Variants in CFAP46 observed in about 807,000 individuals in gnomAD.
CFAP46 encodes the protein cilia and flagella associated protein 46.
CFAP46 carries 245 observed loss-of-function variants against 325.7 expected under a neutral mutation model. The ratio of observed to expected loss-of-function variants is 0.75; its 90% CI spans 0.68 to 0.84. The LOEUF is 0.84. Ranked by LOEUF, CFAP46 falls within the 40% of genes least tolerant of loss-of-function variation. The pLI, the probability that CFAP46 is intolerant of heterozygous loss-of-function variation, is 0.00. For missense variants in CFAP46, 3,346 were observed against 3,543.0 expected (o/e 0.94, Z 1.41); for synonymous variants, 1,523 against 1,495.9 (o/e 1.02, Z -0.42).
chr10:132,851,921 G>A (rs917167629), intron 39 of CFAP46, among the ~76,000 whole-genome samples: 2 of 144,596 alleles, frequency 1.4e-5, no homozygotes, highest in East Asian at 2.0e-4. Context: ...ATTTACTTAG[G>A]AATTCTCAGA....
At chr10:132,816,775 A>G (rs1483076059) in intron 50 of CFAP46, among the ~76,000 whole-genome samples, 1 of 152,094 alleles carries the variant, frequency 6.6e-6, no homozygotes, top group Non-Finnish European at 1.5e-5. Flanking sequence ...TGATCATTTC[A>G]TGTCTTCTGA....
chr10:132,937,752 A>G (rs552553037), intron 5 of CFAP46, 77 bp from the exon 6 acceptor site: 3 of 1,504,454 alleles, frequency 2.0e-6, no homozygotes, highest in Admixed American at 4.7e-5. Context: ...TTATTAAACC[A>G]TTACATATTT....
At chr10:132,809,255 GAC>G (rs1455593378) in intron 57 of CFAP46, among the ~76,000 whole-genome samples, 6 of 152,328 alleles carry the variant, frequency 3.9e-5, no homozygotes, top group African/African-American at 1.4e-4. Flanking sequence ...TTTGAACAGT[GAC>G]AGTCACTGGG....
chr10:132,828,176 A>G lies in CFAP46; in HGVS notation c.7117+5182T>C, dbSNP rs1848090825. ...AGATAACGCTGCTGTAAACATGTGTATGAGTTTCTGCGGGACGCGTGTCTC... is the reference window on the plus strand; with the variant it reads ...AGATAACGCTGCTGTAAACATGTGTGTGAGTTTCTGCGGGACGCGTGTCTC... On this transcript the variant is annotated intron_variant, in intron 50 of 57. Transcript: ENST00000368586. The surrounding 1 kb of genome is among the most constrained non-coding windows in gnomAD (Gnocchi z 4.9). 6.6e-6 allele frequency among the ~76,000 whole-genome samples: 1 copy of G among 152,232 alleles called. No individual in the cohort carries two copies. Among genetic ancestry groups the G allele is most frequent in the Non-Finnish European group, 1.5e-5 (1 of 68,042 alleles).
rs568383038 is a variant in CFAP46 at position 132,814,133 on chromosome 10, T to C, written c.7388+19A>G. 7 of 1,606,750 alleles carry C rather than the reference T, an allele frequency of 4.4e-6. No individual in the cohort carries two copies. The South Asian group carries it at 6.6e-5, about 15-fold the overall frequency. ...GACCTGCCACACTGCAAACGGCTCC[T>C]GGGAGCCCAGATCCGAACCTGGGAA... On this transcript the variant is annotated intron_variant, in intron 54 of 57. Transcript: ENST00000368586.
chr10:132,902,491 AT>A (rs1849404880), intron 22 of CFAP46, among the ~76,000 whole-genome samples: 1 of 152,142 alleles, frequency 6.6e-6, no homozygotes. Flanking sequence ...CAGTGATTTT[AT>A]TATCGGTTCC....
intron 35 of CFAP46, among the ~76,000 whole-genome samples, chr10:132,865,663 C>T (rs1848802553): frequency 6.6e-6 from 1 of 152,224 alleles, no homozygotes; most frequent in Non-Finnish European, 1.5e-5. Flanking sequence ...CAAAGTGGCG[C>T]TCCTGGCAGA....
intron 39 of CFAP46, among the ~76,000 whole-genome samples, chr10:132,851,898 G>A (rs111490853): frequency 4.7e-5 from 7 of 148,146 alleles, no homozygotes; most frequent in Admixed American, 2.0e-4. Context: ...CCACAGACGT[G>A]GTATGTTCCT....
chr10:132,815,876 G>A (rs557112837), intron 50 of CFAP46, among the ~76,000 whole-genome samples: 1 of 152,302 alleles, frequency 6.6e-6, no homozygotes, highest in South Asian at 2.1e-4. Context: ...CAGTCTGGGA[G>A]GAGGTAGGCT....
Position 132,929,859 on chromosome 10 carries a change from G to C in CFAP46, c.867-55C>G. On this transcript the variant is annotated intron_variant, in intron 8 of 57. Coordinates refer to ENST00000368586, the MANE Select transcript of CFAP46 (RefSeq NM_001200049.3). ...CTCAATAGGGGGCACAGGAAACATG[G>C]CTGCAGGCGAGAATCCATGTCCCCC... The C allele has an allele frequency of 2.3e-6, 3 of 1,315,960 alleles. No homozygotes were observed. In the Admixed American group the frequency reaches 5.7e-5, roughly 25 times the overall value. The allele number at this position is 1,315,960 out of a possible 1,614,324, so 81.5% of individuals were successfully genotyped here.
At chr10:132,887,190 CT>C (rs1849150255) in intron 25 of CFAP46, among the ~76,000 whole-genome samples, 1 of 89,586 alleles carries the variant, frequency 1.1e-5, no homozygotes, top group African/African-American at 6.9e-5. Flanking sequence ...TCTTCTCTCT[CT>C]CCTCTCTCCT....
At chr10:132,940,830 C>T (rs958100184) in intron 4 of CFAP46, among the ~76,000 whole-genome samples, 166 bp downstream of exon 4, 1 of 152,218 alleles carries the variant, frequency 6.6e-6, no homozygotes, top group Admixed American at 6.5e-5. Flanking sequence ...TGAATGTGGC[C>T]TGTCCACACG....
At chr10:132,812,733 C>T (rs983520791) in intron 55 of CFAP46, 52 bp downstream of exon 55, 10 of 1,361,488 alleles carry the variant, frequency 7.3e-6, no homozygotes, top group Admixed American at 1.7e-5. Context: ...TGCCCTCAGG[C>T]GGGTTTGTCC....
chr10:132,818,549 C>T (rs1229568042), intron 50 of CFAP46, among the ~76,000 whole-genome samples: 7 of 151,990 alleles, frequency 4.6e-5, no homozygotes, highest in African/African-American at 1.7e-4. Flanking sequence ...CCAGAGCAGT[C>T]GGGAAAGAAA....
chr10:132,872,910 C>T lies in CFAP46; in HGVS notation c.4363-86G>A, dbSNP rs1848913152. 4 of 1,439,908 alleles carry T rather than the reference C, an allele frequency of 2.8e-6. No homozygotes were observed. The South Asian group carries it at 5.2e-5, about 19-fold the overall frequency. The allele number at this position is 1,439,908 out of a possible 1,614,324, so 89.2% of individuals were successfully genotyped here. ...GGGTCTTTCCTCAGAGAACTCCCTCCCTCCCCATGCCAGCACATGTCTGCA... is the reference window on the plus strand; with the variant it reads ...GGGTCTTTCCTCAGAGAACTCCCTCTCTCCCCATGCCAGCACATGTCTGCA... On this transcript the variant is annotated intron_variant, in intron 31 of 57. Coordinates refer to ENST00000368586, the MANE Select transcript of CFAP46 (RefSeq NM_001200049.3).
chr10:132,927,487 G>C (rs1849829919), intron 9 of CFAP46, among the ~76,000 whole-genome samples: 1 of 152,240 alleles, frequency 6.6e-6, no homozygotes, highest in Non-Finnish European at 1.5e-5. Context: ...CTGCACCGCA[G>C]TCCTGCATGT....
Position 132,822,804 on chromosome 10 carries a change from G to GT in CFAP46, c.7118-7891_7118-7890insA, listed in dbSNP as rs1243638743. On this transcript the variant is annotated intron_variant, in intron 50 of 57. Transcript: ENST00000368586. ...CACTTGTGTGTGCTGTGTGTGTGCT[G>GT]ATGTGTGCTGTGTGCTGTGTGTGCT... Among the ~76,000 whole-genome samples, 9 of 138,948 alleles carry GT rather than the reference G, an allele frequency of 6.5e-5. No homozygotes were observed. In the South Asian group the frequency reaches 8.1e-4, roughly 12 times the overall value. 91.2% of individuals were successfully genotyped at this position (138,948 alleles called of 152,430 possible).
Position 132,808,963 on chromosome 10 carries a change from TGAG to T in CFAP46, c.7665-62_7665-60del. On this transcript the variant is annotated intron_variant, in intron 57 of 57. Transcript: ENST00000368586. This position sits in a 1 kb window ranked among gnomAD's most constrained non-coding sequence, Gnocchi z 6.8. ...AGGCCCCGCAGGACGTCCAGCCCGGTGAGGACCAGGGCACAGGGGCGGGAAGTG... is the reference window on the plus strand; with the variant it reads ...AGGCCCCGCAGGACGTCCAGCCCGGTGACCAGGGCACAGGGGCGGGAAGTG... 2 of 1,484,460 alleles carry T rather than the reference TGAG, an allele frequency of 1.3e-6. No individual in the cohort carries two copies. The highest frequency in any genetic ancestry group is 1.8e-6 in the Non-Finnish European group (2 of 1,104,494). The allele number at this position is 1,484,460 out of a possible 1,614,324, so 92.0% of individuals were successfully genotyped here.
At chr10:132,912,853 CCCCCGCAGGCCTCG>C (rs1564798613) in intron 18 of CFAP46, 33 bp from the exon 19 acceptor site, 3 of 1,543,388 alleles carry the variant, frequency 1.9e-6, no homozygotes, top group South Asian at 2.4e-5. Flanking sequence ...GGAACCTTGG[CCCCCGCAGGCCTCG>C]CCCCGATCCC....
Sources: allele counts gnomAD v4.1 joint callset (sites outside exome capture counted in the v4.1 genomes callset), GRCh38; gene constraint gnomAD v4.1.1; non-coding constraint Gnocchi (gnomAD v3.1); transcripts MANE v1.5; gene names NCBI Gene and HGNC (gene_info 2026-07-23, HGNC 2026-07-21).